Variants in YTHDC1 observed in about 807,000 individuals in gnomAD.
YTHDC1 encodes the protein YTH domain-containing protein 1.
A neutral mutation model predicts 107.0 loss-of-function variants in YTHDC1; 12 were observed. The observed-to-expected ratio is 0.11, with a 90% CI of 0.07 to 0.18. YTHDC1 has a LOEUF of 0.18. YTHDC1 is among the 10% of genes least tolerant of loss of function. The pLI, the probability that YTHDC1 is intolerant of heterozygous loss-of-function variation, is 1.00. For synonymous variants in YTHDC1, 280 were observed against 289.5 expected (o/e 0.97, Z 0.33); for missense variants, 635 against 898.8 (o/e 0.71, Z 3.75).
rs115789897 is a variant in YTHDC1 at position 68,345,701 on chromosome 4, C to T, written c.28+4025G>A. 6.0e-3 allele frequency among the ~76,000 whole-genome samples: 905 copies of T among 152,026 alleles called. 11 individuals carry two copies. Among genetic ancestry groups the T allele is most frequent in the African/African-American group, 0.021 (854 of 41,460 alleles). On this transcript the variant is annotated intron_variant, in intron 1 of 16. Coordinates refer to ENST00000344157, the MANE Select transcript of YTHDC1 (RefSeq NM_001031732.4). ...TGGAGTATCAATATGTACTCTATGC[C>T]TTACAGAGCCCAAACTAAAGTGAAC...
In YTHDC1 at chr4:68,337,432, C is replaced by G; in HGVS notation, c.478G>C (p.Asp160His). Reference sequence around the variant, plus strand: ...TGGCTGGATCTGCTTGCACGTCTATCCACTTCAAGCCCAATTCTCTGATGT... The same window carrying G: ...TGGCTGGATCTGCTTGCACGTCTATGCACTTCAAGCCCAATTCTCTGATGT... Reference protein sequence around the residue: ...DGSERIGLEVDRRASRSSQSS... With the variant: ...DGSERIGLEVHRRASRSSQSS... Residue 160 changes from aspartate (D) to histidine (H), a missense_variant, in exon 4 of 17, where the codon GAT becomes CAT. Around this residue, in one of 5 missense-constraint regions of YTHDC1, gnomAD observed 294 missense variants for 312.3 expected, o/e 0.94. Transcript: ENST00000344157. The G allele has an allele frequency of 2.5e-6, 4 of 1,613,834 alleles. No individual in the cohort carries two copies. The highest frequency in any genetic ancestry group is 3.4e-6 in the Non-Finnish European group (4 of 1,179,790).
At chr4:68,328,280 T>A (rs1469605417) in intron 9 of YTHDC1, among the ~76,000 whole-genome samples, 3 of 152,198 alleles carry the variant, frequency 2.0e-5, no homozygotes, top group African/African-American at 7.2e-5. Context: ...GCAAATATGT[T>A]ACATTACAAC....
chr4:68,328,940 A>G (rs1319820412), intron 9 of YTHDC1, among the ~76,000 whole-genome samples: 1 of 152,220 alleles, frequency 6.6e-6, no homozygotes, highest in African/African-American at 2.4e-5. Flanking sequence ...GTATCTAAAC[A>G]TAGAAAAGGT....
chr4:68,320,093 CA>C (rs779046991), intron 12 of YTHDC1, 29 bp downstream of exon 12: 39 of 1,525,066 alleles, frequency 2.6e-5, no homozygotes, highest in Non-Finnish European at 3.4e-5. Context: ...AATTTGAAAT[CA>C]AATATCTGCA....
At chr4:68,331,511 C>T (rs1056882519) in intron 7 of YTHDC1, among the ~76,000 whole-genome samples, 2 of 152,110 alleles carry the variant, frequency 1.3e-5, no homozygotes, top group Admixed American at 1.3e-4. Context: ...TAGCAAAACA[C>T]TGTAACAGCT....
intron 1 of YTHDC1, among the ~76,000 whole-genome samples, chr4:68,340,090 T>G (rs1382389480): frequency 6.6e-6 from 1 of 151,972 alleles, no homozygotes; most frequent in Non-Finnish European, 1.5e-5. Context: ...ATTTGTGGCT[T>G]CAGGAAAAAA....
intron 15 of YTHDC1, among the ~76,000 whole-genome samples, chr4:68,317,555 A>C (rs1262409660): frequency 6.6e-6 from 1 of 152,222 alleles, no homozygotes; most frequent in Non-Finnish European, 1.5e-5. Flanking sequence ...AGCTATCTTC[A>C]ATATCTTAAA....
chr4:68,342,406 G>C (rs1724915210), intron 1 of YTHDC1, among the ~76,000 whole-genome samples: 1 of 151,908 alleles, frequency 6.6e-6, no homozygotes, highest in South Asian at 2.1e-4. Context: ...TCCCAACAGA[G>C]ACGGGAACAG....
At position 68,313,695 on chromosome 4, in the gene YTHDC1, C is replaced by G. The variant is rs540745572; in HGVS notation, c.*404G>C. ...ATACTCGATAGCAGCATTATTTTTA[C>G]TGAACCGTGTGCAACTACATGTAGA... is the stretch of plus-strand genomic sequence containing the variant. On this transcript the variant is annotated 3_prime_UTR_variant, in exon 17 of 17. Coordinates refer to ENST00000344157, the MANE Select transcript of YTHDC1 (RefSeq NM_001031732.4). The G allele has an allele frequency of 7.2e-4, 126 of 175,300 alleles. 1 individual carries two copies. Among genetic ancestry groups the G allele is most frequent in the African/African-American group, 2.9e-3 (122 of 42,062 alleles). 10.9% of individuals were successfully genotyped at this position (175,300 alleles called of 1,614,324 possible). A position where few individuals can be genotyped will look rare whatever the true frequency, so the allele number is the denominator to read the frequency against.
chr4:68,341,531 C>T (rs1420020834), intron 1 of YTHDC1, among the ~76,000 whole-genome samples: 1 of 151,756 alleles, frequency 6.6e-6, no homozygotes, highest in African/African-American at 2.4e-5. Context: ...GGCCCATTGC[C>T]TATTTAGAAT....
In YTHDC1 at chr4:68,317,525, T is replaced by G. The variant is rs144983681; in HGVS notation, c.1824+994A>C. 5.2e-3 allele frequency among the ~76,000 whole-genome samples: 794 copies of G among 152,320 alleles called. 7 individuals are homozygous for G. The highest frequency in any genetic ancestry group is 0.018 in the African/African-American group (761 of 41,568). ...GCTACTTCAACTTCCAGGTTTTTAT[T>G]TCTTGAAAATTAATGCTTCAGCTAT... On this transcript the variant is annotated intron_variant, in intron 15 of 16. Transcript: ENST00000344157.
At chr4:68,317,936 G>C (rs975411432) in intron 15 of YTHDC1, among the ~76,000 whole-genome samples, 3 of 152,278 alleles carry the variant, frequency 2.0e-5, no homozygotes, top group Admixed American at 6.5e-5. Context: ...CAAAGTCACA[G>C]AGTTGGGAAG....
chr4:68,324,289 A>G (rs1174164265), intron 9 of YTHDC1, 66 bp from the exon 10 acceptor site: 2 of 1,386,946 alleles, frequency 1.4e-6, no homozygotes, highest in Non-Finnish European at 2.0e-6. Context: ...TACTACTTTT[A>G]GTAGTGAATT....
At chr4:68,323,414 A>G (rs760213384) in intron 10 of YTHDC1, among the ~76,000 whole-genome samples, 4 of 152,202 alleles carry the variant, frequency 2.6e-5, no homozygotes, top group Non-Finnish European at 4.4e-5. Flanking sequence ...ATTTTTACTC[A>G]TGAGCAATAA....
intron 1 of YTHDC1, among the ~76,000 whole-genome samples, chr4:68,348,111 T>C (rs1401248704): frequency 2.0e-5 from 3 of 152,344 alleles, no homozygotes; most frequent in South Asian, 4.1e-4. Flanking sequence ...AGTTTATGTA[T>C]TTGGACTGCA....
chr4:68,315,953 A>G (rs1461926318), intron 16 of YTHDC1: 1 of 158,682 alleles, frequency 6.3e-6, no homozygotes, highest in African/African-American at 2.4e-5. Context: ...TCTATCCTAG[A>G]AAAATTGAGT....
At chr4:68,319,484 C>T (rs1020197355) in intron 12 of YTHDC1, among the ~76,000 whole-genome samples, 6 of 152,104 alleles carry the variant, frequency 3.9e-5, no homozygotes, top group Non-Finnish European at 7.4e-5. Flanking sequence ...AACAGGACAA[C>T]CTATTTTGGA....
At chr4:68,314,544 T>C (rs1721604753) in intron 16 of YTHDC1, among the ~76,000 whole-genome samples, 1 of 152,234 alleles carries the variant, frequency 6.6e-6, no homozygotes, top group African/African-American at 2.4e-5. Context: ...TGATGCCTCA[T>C]TAGACATCTA....
rs150253144 is a variant in YTHDC1, at chr4:68,348,369, CTAAT to C, written c.28+1353_28+1356del. Among the ~76,000 whole-genome samples the C allele has an allele frequency of 3.1e-3, 464 of 150,872 alleles. 2 individuals carry two copies. The highest frequency in any genetic ancestry group is 0.011 in the African/African-American group (442 of 41,142). On this transcript the variant is annotated intron_variant, in intron 1 of 16. Coordinates refer to ENST00000344157, the MANE Select transcript of YTHDC1 (RefSeq NM_001031732.4). ...CAATCAGATGTTTGCTGAATACTTA[CTAAT>C]TAAGATCATGTATTTTAATAACTGA... is the stretch of plus-strand genomic sequence containing the variant.
Sources: allele counts gnomAD v4.1 joint callset (sites outside exome capture counted in the v4.1 genomes callset), GRCh38; gene constraint gnomAD v4.1.1; regional missense constraint gnomAD v4.1.1; transcripts MANE v1.5; gene names NCBI Gene and HGNC (gene_info 2026-07-23, HGNC 2026-07-21).